Variants in ARHGAP15 observed in about 807,000 individuals in gnomAD.
ARHGAP15 encodes Rho GTPase activating protein 15.
In ARHGAP15, 51 loss-of-function variants were observed where a neutral mutation model predicts 63.7. The observed-to-expected ratio is 0.80, with a 90% CI of 0.64 to 1.01. The LOEUF (loss-of-function observed/expected upper bound fraction) is 1.01. Ranked by LOEUF, ARHGAP15 falls within the 50% of genes least tolerant of loss-of-function variation. The pLI, the probability that ARHGAP15 is intolerant of heterozygous loss-of-function variation, is 0.00. For synonymous variants in ARHGAP15, 191 were observed against 193.8 expected (o/e 0.99, Z 0.12); for missense variants, 560 against 564.6 (o/e 0.99, Z 0.08).
chr2:143,191,766 G>A (rs1232563669), intron 2 of ARHGAP15, among the ~76,000 whole-genome samples: 3 of 152,106 alleles, frequency 2.0e-5, no homozygotes, highest in Non-Finnish European at 4.4e-5. Flanking sequence ...TCCCAATTTA[G>A]CTTCAAATAA....
intron 8 of ARHGAP15, among the ~76,000 whole-genome samples, chr2:143,476,468 T>G (rs1350891654): frequency 6.6e-6 from 1 of 152,148 alleles, no homozygotes; most frequent in Admixed American, 6.5e-5. Flanking sequence ...AGTCACATAA[T>G]GAAGAAAACA....
At chr2:143,222,149 T>A (rs1343028050) in intron 4 of ARHGAP15, among the ~76,000 whole-genome samples, 2 of 152,232 alleles carry the variant, frequency 1.3e-5, no homozygotes, top group Non-Finnish European at 2.9e-5. Context: ...AATTACAAGA[T>A]GCTTAGAATA....
At chr2:143,630,064 A>G (rs957504144) in intron 12 of ARHGAP15, among the ~76,000 whole-genome samples, 5 of 152,136 alleles carry the variant, frequency 3.3e-5, no homozygotes, top group African/African-American at 4.8e-5. Context: ...GTCATCTTAT[A>G]TAAGACTACA....
chr2:143,429,412 C>T (rs1689288231), intron 6 of ARHGAP15, among the ~76,000 whole-genome samples: 1 of 152,024 alleles, frequency 6.6e-6, no homozygotes, highest in Non-Finnish European at 1.5e-5. Flanking sequence ...AGCTCAATTT[C>T]ACTTAAAAAG....
At chr2:143,479,243 G>C (rs1430621445) in intron 8 of ARHGAP15, among the ~76,000 whole-genome samples, 2 of 151,956 alleles carry the variant, frequency 1.3e-5, no homozygotes, top group Non-Finnish European at 2.9e-5. Context: ...TCTCCAACTT[G>C]ACTTACTTTT....
At chr2:143,757,938 T>C (rs1446122730) in intron 13 of ARHGAP15, among the ~76,000 whole-genome samples, 4 of 152,018 alleles carry the variant, frequency 2.6e-5, no homozygotes, top group Admixed American at 6.6e-5. Flanking sequence ...ATTGGGAGAA[T>C]GTATGTGCCA....
At chr2:143,487,905 G>A (rs1205652312) in intron 9 of ARHGAP15, among the ~76,000 whole-genome samples, 3 of 152,192 alleles carry the variant, frequency 2.0e-5, no homozygotes, top group African/African-American at 7.2e-5. Context: ...TGGATAAAAG[G>A]TTATCTGATC....
chr2:143,679,316 A>AT (rs1482522781), intron 12 of ARHGAP15, among the ~76,000 whole-genome samples: 1 of 152,238 alleles, frequency 6.6e-6, no homozygotes, highest in Non-Finnish European at 1.5e-5. Context: ...TTAATAACCC[A>AT]TAAGACAAAT....
intron 6 of ARHGAP15, among the ~76,000 whole-genome samples, chr2:143,356,895 C>G (rs1685834714): frequency 6.6e-6 from 1 of 152,150 alleles, no homozygotes; most frequent in African/African-American, 2.4e-5. Context: ...GCTAGGATTT[C>G]AACTCCTACC....
intron 1 of ARHGAP15, among the ~76,000 whole-genome samples, chr2:143,148,391 C>T (rs1689678665): frequency 6.6e-6 from 1 of 151,984 alleles, no homozygotes; most frequent in South Asian, 2.1e-4. Flanking sequence ...AGTAGAGGCT[C>T]AATAAATATT....
chr2:143,232,968 AGG>A (rs1254680280), intron 5 of ARHGAP15, among the ~76,000 whole-genome samples: 3 of 152,120 alleles, frequency 2.0e-5, no homozygotes, highest in African/African-American at 7.2e-5. Context: ...TAGTTAGCCT[AGG>A]GTTACAGCAT....
At chr2:143,431,929 T>C (rs557583945) in intron 6 of ARHGAP15, among the ~76,000 whole-genome samples, 6 of 152,176 alleles carry the variant, frequency 3.9e-5, no homozygotes, top group African/African-American at 1.2e-4. Flanking sequence ...CATTATCTCT[T>C]ACATCTTTGG....
chr2:143,475,823 A>G (rs1691789879), intron 8 of ARHGAP15, among the ~76,000 whole-genome samples: 1 of 152,092 alleles, frequency 6.6e-6, no homozygotes, highest in Non-Finnish European at 1.5e-5. Flanking sequence ...TAAACTTGGA[A>G]CTCTGCAGTT....
chr2:143,340,676 G>A lies in ARHGAP15; in HGVS notation c.474+90076G>A, dbSNP rs936204176. ...GGTGTCATTAAGAGCAGAGATTGCC[G>A]GAATGCTGATTCTCATAACAAAGGC... On this transcript the variant is annotated intron_variant, in intron 6 of 13. Coordinates refer to ENST00000295095, the MANE Select transcript of ARHGAP15 (RefSeq NM_018460.4). 8.5e-5 allele frequency among the ~76,000 whole-genome samples: 13 copies of A among 152,060 alleles called. No individual in the cohort carries two copies. The East Asian group carries it at 1.9e-3, about 23-fold the overall frequency.
chr2:143,730,814 G>C (rs1260219178), intron 13 of ARHGAP15, among the ~76,000 whole-genome samples: 2 of 147,426 alleles, frequency 1.4e-5, no homozygotes, highest in East Asian at 4.1e-4. Flanking sequence ...GTTTTTGTTT[G>C]GGTGGTGTGT....
intron 13 of ARHGAP15, among the ~76,000 whole-genome samples, chr2:143,723,003 C>T (rs1685129401): frequency 6.6e-6 from 1 of 152,152 alleles, no homozygotes; most frequent in Admixed American, 6.5e-5. Context: ...CAATAATGGA[C>T]CTTACATATG....
intron 6 of ARHGAP15, among the ~76,000 whole-genome samples, chr2:143,321,054 A>G (rs1403524356): frequency 6.6e-6 from 1 of 152,036 alleles, no homozygotes; most frequent in Non-Finnish European, 1.5e-5. Context: ...AGTCATGGGT[A>G]CCCCTGGATG....
At chr2:143,192,474 G>T (rs528479592) in intron 2 of ARHGAP15, among the ~76,000 whole-genome samples, 1 of 152,218 alleles carries the variant, frequency 6.6e-6, no homozygotes, top group African/African-American at 2.4e-5. Flanking sequence ...CTCCAATGCT[G>T]CCTGATTGGT....
In ARHGAP15 at chr2:143,330,133, C is replaced by CAAAAAAAAAAAAAAA. The variant is rs1558898102; in HGVS notation, c.474+79538_474+79539insAAAAAAAAAAAAAAA. ...AAAAAAAAAAAAAAAAAAAAAAAAC[C>CAAAAAAAAAAAAAAA]AAAAACAAAAAACTAAACTAATGAT... On this transcript the variant is annotated intron_variant, in intron 6 of 13. Transcript: ENST00000295095. Among the ~76,000 whole-genome samples the CAAAAAAAAAAAAAAA allele has an allele frequency of 7.2e-3, 269 of 37,346 alleles. 52 individuals carry two copies. The highest frequency in any genetic ancestry group is 0.016 in the East Asian group (18 of 1,160). 24.5% of individuals were successfully genotyped at this position (37,346 alleles called of 152,430 possible).
Sources: allele counts gnomAD v4.1 joint callset (sites outside exome capture counted in the v4.1 genomes callset), GRCh38; gene constraint gnomAD v4.1.1; transcripts MANE v1.5; gene names NCBI Gene and HGNC (gene_info 2026-07-23, HGNC 2026-07-21).